The following PSMD1 variants were observed in gnomAD, a reference collection of about 807,000 sequenced individuals.
PSMD1 encodes proteasome 26S subunit, non-ATPase 1.
A neutral mutation model predicts 119.0 loss-of-function variants in PSMD1; 18 were observed. The observed-to-expected ratio is 0.15, with a 90% confidence interval of 0.10 to 0.22. The LOEUF is 0.22. PSMD1 is among the 10% of genes least tolerant of loss of function. The pLI is 1.00. For missense variants in PSMD1, 702 were observed against 1,158.5 expected (o/e 0.61, Z 5.72); for synonymous variants, 374 against 396.6 (o/e 0.94, Z 0.68).
chr2:231,083,066 C>A, intron 13 of PSMD1, 72 bp downstream of exon 13: 1 of 1,146,528 alleles, frequency 8.7e-7, no homozygotes, highest in Non-Finnish European at 1.3e-6. Context: ...TAGTTTCTAC[C>A]TATATTTTGT....
At chr2:231,060,101 C>T (rs1693719953) in intron 1 of PSMD1, among the ~76,000 whole-genome samples, 2 of 152,168 alleles carry the variant, frequency 1.3e-5, no homozygotes, top group Admixed American at 6.5e-5. Context: ...GCATTCTGGC[C>T]TGTCATCTTA....
At chr2:231,104,437 G>T (rs1176177190) in intron 16 of PSMD1, among the ~76,000 whole-genome samples, 1 of 151,964 alleles carries the variant, frequency 6.6e-6, no homozygotes, top group East Asian at 1.9e-4. Flanking sequence ...TTCATAAAAC[G>T]AATCTTTAAG....
chr2:231,168,033 T>C (rs1696828500), intron 23 of PSMD1, among the ~76,000 whole-genome samples: 1 of 152,198 alleles, frequency 6.6e-6, no homozygotes, highest in Non-Finnish European at 1.5e-5. Flanking sequence ...TGCAATATGA[T>C]TGTGCCTATG....
At chr2:231,068,406 A>G (rs1049194830) in intron 5 of PSMD1, among the ~76,000 whole-genome samples, 3 of 152,056 alleles carry the variant, frequency 2.0e-5, no homozygotes, top group Non-Finnish European at 2.9e-5. Context: ...GCTTTCATTT[A>G]TTCAACAAAT....
In PSMD1 at chr2:231,140,495, C is replaced by CAA. The variant is rs766658246; in HGVS notation, c.1998+1664_1998+1665dup. On this transcript the variant is annotated intron_variant, in intron 17 of 24. Transcript: ENST00000308696. ...TGGGTGACAGAGCAAGACTCCATCT[C>CAA]AAAAAAAAAAAAAAAAAAAAGAGTG... 5.4e-3 allele frequency among the ~76,000 whole-genome samples: 259 copies of CAA among 48,236 alleles called. 2 individuals are homozygous for CAA. The highest frequency in any genetic ancestry group is 0.015 in the African/African-American group (222 of 15,180). The allele number at this position is 48,236 out of a possible 152,430, so 31.6% of individuals were successfully genotyped here.
At chr2:231,078,816 G>A in intron 10 of PSMD1, 69 bp downstream of exon 10, 4 of 438,526 alleles carry the variant, frequency 9.1e-6, no homozygotes, top group South Asian at 7.9e-5. Flanking sequence ...TTTTTTTTTT[G>A]TGCAGTCTTA....
At chr2:231,111,127 A>G (rs958972448) in intron 16 of PSMD1, among the ~76,000 whole-genome samples, 1 of 152,082 alleles carries the variant, frequency 6.6e-6, no homozygotes, top group African/African-American at 2.4e-5. Flanking sequence ...CAGTGCCAGC[A>G]TTTTCTACTT....
chr2:231,116,773 A>C (rs976764226), intron 16 of PSMD1, among the ~76,000 whole-genome samples: 2 of 152,140 alleles, frequency 1.3e-5, no homozygotes, highest in Non-Finnish European at 2.9e-5. Context: ...TATTGTTAAC[A>C]GAAATATTGA....
chr2:231,114,289 T>G (rs1253484571), intron 16 of PSMD1, among the ~76,000 whole-genome samples: 1 of 152,206 alleles, frequency 6.6e-6, no homozygotes, highest in Non-Finnish European at 1.5e-5. Flanking sequence ...TAAATAAAAT[T>G]TATTTTTAAG....
At chr2:231,164,294 A>G (rs142722527) in intron 21 of PSMD1, among the ~76,000 whole-genome samples, 1 of 152,348 alleles carries the variant, frequency 6.6e-6, no homozygotes, top group Non-Finnish European at 1.5e-5. Context: ...AATGCACATT[A>G]TGTTCATAGT....
intron 5 of PSMD1, among the ~76,000 whole-genome samples, chr2:231,069,709 G>A (rs919312377): frequency 6.6e-6 from 1 of 152,296 alleles, no homozygotes; most frequent in Non-Finnish European, 1.5e-5. Flanking sequence ...GCTACTTAGT[G>A]TATGGACAGT....
chr2:231,066,229 A>G (rs1358864984), intron 4 of PSMD1, among the ~76,000 whole-genome samples: 1 of 152,226 alleles, frequency 6.6e-6, no homozygotes, highest in African/African-American at 2.4e-5. Flanking sequence ...AGTTGCTGGA[A>G]AAGTTTTTGG....
chr2:231,079,687 G>GT, intron 11 of PSMD1, 73 bp downstream of exon 11: 1 of 975,038 alleles, frequency 1.0e-6, no homozygotes, highest in Admixed American at 2.7e-5. Context: ...AAAAATAACA[G>GT]TTTATTATAA....
intron 19 of PSMD1, among the ~76,000 whole-genome samples, chr2:231,154,200 G>A (rs1038200185): frequency 1.3e-5 from 2 of 152,166 alleles, no homozygotes; most frequent in African/African-American, 2.4e-5. Context: ...GGGAGGCCAA[G>A]GCAGGTGGAT....
chr2:231,107,532 T>C (rs1424723548), intron 16 of PSMD1, among the ~76,000 whole-genome samples: 1 of 152,198 alleles, frequency 6.6e-6, no homozygotes, highest in Non-Finnish European at 1.5e-5. Context: ...CTCATAAGAA[T>C]TGTATAAAAT....
intron 16 of PSMD1, among the ~76,000 whole-genome samples, chr2:231,091,876 T>C (rs1694604824): frequency 6.6e-6 from 1 of 152,336 alleles, no homozygotes; most frequent in South Asian, 2.1e-4. Context: ...GATACACTTA[T>C]GCTCCCAGTC....
intron 16 of PSMD1, among the ~76,000 whole-genome samples, chr2:231,114,690 A>G (rs1001832223): frequency 1.3e-5 from 2 of 152,202 alleles, no homozygotes; most frequent in Non-Finnish European, 2.9e-5. Context: ...TGCATACTTC[A>G]TATAGTCTTA....
At chr2:231,136,906 T>C (rs946260085) in intron 16 of PSMD1, among the ~76,000 whole-genome samples, 12 of 147,722 alleles carry the variant, frequency 8.1e-5, no homozygotes, top group Non-Finnish European at 1.3e-4. Context: ...TCTTAGGTAG[T>C]TTATGCCGCT....
intron 19 of PSMD1, 89 bp from the exon 20 acceptor site, chr2:231,161,251 A>G: frequency 7.8e-7 from 1 of 1,275,088 alleles, no homozygotes; most frequent in Non-Finnish European, 1.1e-6. Context: ...AAAAAAAAAA[A>G]AGAAAGAAAG....
Sources: gnomAD v4.1 joint callset for allele counts (sites outside exome capture counted in the v4.1 genomes callset) on GRCh38, gnomAD v4.1.1 for gene constraint, MANE v1.5 for transcripts, NCBI Gene and HGNC (gene_info 2026-07-23, HGNC 2026-07-21) for gene names.